The following NETO1 variants were observed in gnomAD, a reference collection of about 807,000 sequenced individuals.
NETO1 encodes the protein neuropilin and tolloid-like protein 1.
A neutral mutation model predicts 61.3 loss-of-function variants in NETO1; 26 were observed. The observed-to-expected ratio is 0.42, with a 90% CI of 0.31 to 0.59. NETO1 has a LOEUF of 0.59. Ranked by LOEUF, NETO1 falls within the 20% of genes least tolerant of loss-of-function variation. NETO1 has a pLI of 0.12. For missense variants in NETO1, 531 were observed against 662.8 expected, an observed-to-expected ratio of 0.80 and a Z score of 2.18; for synonymous variants, 225 against 225.8, an observed-to-expected ratio of 1.00 and a Z score of 0.03.
intron 7 of NETO1, among the ~76,000 whole-genome samples, chr18:72,774,192 A>G (rs1445723871): frequency 6.6e-6 from 1 of 152,196 alleles, no homozygotes; most frequent in East Asian, 1.9e-4. Flanking sequence ...AGAAGAGCAG[A>G]AGAGCAGCTA....
chr18:72,767,036 A>G (rs1271747824), intron 7 of NETO1, among the ~76,000 whole-genome samples: 2 of 152,122 alleles, frequency 1.3e-5, no homozygotes, highest in Non-Finnish European at 1.5e-5. Context: ...GGTTTTCATA[A>G]TATGTACATG....
At chr18:72,866,994 G>A (rs1041648260) in intron 1 of NETO1, 2 of 444,206 alleles carry the variant, frequency 4.5e-6, no homozygotes, top group Middle Eastern at 5.7e-4. Flanking sequence ...TCCCTGAACT[G>A]CACGCTATCC....
At chr18:72,864,777 C>T (rs1271183769) in intron 3 of NETO1, 31 bp downstream of exon 3, 8 of 1,613,628 alleles carry the variant, frequency 5.0e-6, no homozygotes, top group South Asian at 2.2e-5. Context: ...TGGCTTAGTG[C>T]TTTCTTAACT....
intron 4 of NETO1, among the ~76,000 whole-genome samples, chr18:72,844,794 G>A (rs377094688): frequency 3.9e-5 from 6 of 152,084 alleles, no homozygotes; most frequent in African/African-American, 1.4e-4. Flanking sequence ...TTGTTTTCAG[G>A]AAGCTTGGTG....
intron 4 of NETO1, chr18:72,835,074 T>C (rs1599112375): frequency 4.6e-6 from 5 of 1,082,078 alleles, no homozygotes; most frequent in Non-Finnish European, 5.6e-6. Flanking sequence ...AATTGAACCT[T>C]CATCTGGGTT....
At chr18:72,831,017 T>C (rs1253346176) in intron 4 of NETO1, among the ~76,000 whole-genome samples, 1 of 152,162 alleles carries the variant, frequency 6.6e-6, no homozygotes, top group East Asian at 1.9e-4. Flanking sequence ...TCTCTTCCTC[T>C]TGGTTTTCAA....
At chr18:72,750,651 C>T (rs777224561) in intron 8 of NETO1, 31 bp from the exon 9 acceptor site, 29 of 1,507,418 alleles carry the variant, frequency 1.9e-5, no homozygotes, top group African/African-American at 9.7e-5. Flanking sequence ...AAACAACAAA[C>T]GGACAAAAGA....
intron 4 of NETO1, among the ~76,000 whole-genome samples, chr18:72,839,527 A>G (rs985877343): frequency 2.6e-5 from 4 of 152,196 alleles, no homozygotes; most frequent in African/African-American, 9.7e-5. Context: ...AAGTGCCTAA[A>G]GGACTCCTAA....
At chr18:72,862,973 G>A (rs773230331) in intron 3 of NETO1, among the ~76,000 whole-genome samples, 9 of 152,024 alleles carry the variant, frequency 5.9e-5, no homozygotes, top group Non-Finnish European at 1.2e-4. Flanking sequence ...CACTGATGCC[G>A]CTTCTTTAGT....
intron 4 of NETO1, among the ~76,000 whole-genome samples, chr18:72,816,567 C>G (rs577958063): frequency 2.9e-4 from 44 of 152,246 alleles, no homozygotes; most frequent in African/African-American, 9.9e-4. Flanking sequence ...GCCAAGTATT[C>G]AGGGCATAGC....
rs1320553154 is a variant in NETO1, at chr18:72,867,791, CGCCGGCGGCGGCGGG to C, written c.-515_-501del. 1 of 156,170 alleles carries C rather than the reference CGCCGGCGGCGGCGGG, an allele frequency of 6.4e-6. No homozygotes were observed. Among genetic ancestry groups the C allele is most frequent in the East Asian group, 1.9e-4 (1 of 5,208 alleles). The allele number at this position is 156,170 out of a possible 1,614,324, so 9.7% of individuals were successfully genotyped here. On this transcript the variant is annotated 5_prime_UTR_variant, in exon 1 of 11. Transcript: ENST00000327305. ...GCGACGGAGCGGGCGGCGGCGGCGG[CGCCGGCGGCGGCGGG>C]GTGGCTCAGTCCCCAGTCTCAGACG...
Position 72,779,417 on chromosome 18 carries a change from C to CAACAAAAATGTAAGCCA in NETO1, c.868+4244_868+4260dup, listed in dbSNP as rs1319899449. Among the ~76,000 whole-genome samples, 28 of 151,986 alleles carry CAACAAAAATGTAAGCCA rather than the reference C, an allele frequency of 1.8e-4. 2 individuals carry two copies. The highest frequency in any genetic ancestry group is 7.4e-5 in the Non-Finnish European group (5 of 68,000). ...CTACAAGAACCAAAATCATCAGCCA[C>CAACAAAAATGTAAGCCA]AACAAAAATGTAAGCCAAAATTCTC... On this transcript the variant is annotated intron_variant, in intron 7 of 10. Transcript: ENST00000327305.
intron 8 of NETO1, 86 bp from the exon 9 acceptor site, chr18:72,750,706 T>A: frequency 1.1e-6 from 1 of 939,762 alleles, no homozygotes; most frequent in Non-Finnish European, 1.5e-6. Flanking sequence ...AAATGTGTAT[T>A]AAAAACTTAA....
intron 4 of NETO1, among the ~76,000 whole-genome samples, chr18:72,815,914 T>C (rs1346680743): frequency 2.0e-5 from 3 of 152,240 alleles, no homozygotes; most frequent in Non-Finnish European, 4.4e-5. Flanking sequence ...AATAGACTTG[T>C]ACATTTTACT....
intron 4 of NETO1, among the ~76,000 whole-genome samples, chr18:72,846,048 A>T (rs935756701): frequency 6.6e-6 from 1 of 152,042 alleles, no homozygotes; most frequent in African/African-American, 2.4e-5. Flanking sequence ...AGGCTCATAA[A>T]CAGTTCAGAT....
At chr18:72,793,327 A>G (rs1253975313) in intron 6 of NETO1, among the ~76,000 whole-genome samples, 1 of 152,226 alleles carries the variant, frequency 6.6e-6, no homozygotes, top group Non-Finnish European at 1.5e-5. Flanking sequence ...ACCTGCTGGC[A>G]CAAAATGACT....
chr18:72,863,825 G>A (rs1184996476), intron 3 of NETO1, among the ~76,000 whole-genome samples: 1 of 152,074 alleles, frequency 6.6e-6, no homozygotes, highest in Non-Finnish European at 1.5e-5. Context: ...GGGGGAAGGT[G>A]GGTGCTTCCA....
At chr18:72,851,032 T>C (rs2074232221) in intron 4 of NETO1, among the ~76,000 whole-genome samples, 1 of 152,076 alleles carries the variant, frequency 6.6e-6, no homozygotes, top group South Asian at 2.1e-4. Flanking sequence ...CAGCCCTGAA[T>C]AGAGGGATGG....
rs182818257 is a variant in NETO1 at position 72,777,615 on chromosome 18, T to C, written c.868+6063A>G. Among the ~76,000 whole-genome samples the C allele has an allele frequency of 6.3e-3, 945 of 150,552 alleles. 13 individuals are homozygous for C. Among genetic ancestry groups the C allele is most frequent in the African/African-American group, 0.021 (864 of 40,900 alleles). ...AAAATTAGCAGGGCGTGGTGGCGGGTGCCTGTAGTCCCAGCTACTTCAGAG... is the reference window on the plus strand; with the variant it reads ...AAAATTAGCAGGGCGTGGTGGCGGGCGCCTGTAGTCCCAGCTACTTCAGAG... On this transcript the variant is annotated intron_variant, in intron 7 of 10. Coordinates refer to ENST00000327305, the MANE Select transcript of NETO1 (RefSeq NM_138966.5).
Sources: gnomAD v4.1 joint callset for allele counts (sites outside exome capture counted in the v4.1 genomes callset) on GRCh38, gnomAD v4.1.1 for gene constraint, MANE v1.5 for transcripts, NCBI Gene and HGNC (gene_info 2026-07-23, HGNC 2026-07-21) for gene names.